The following SETBP1 variants were observed in gnomAD, a reference collection of about 807,000 sequenced individuals.
The protein encoded by SETBP1 is SET-binding protein.
SETBP1 carries 9 observed loss-of-function variants against 101.0 expected under a neutral mutation model. That is an observed-to-expected ratio of 0.09 (90% CI 0.05 to 0.16). SETBP1 has a LOEUF of 0.16. SETBP1 is among the 10% of genes least tolerant of loss of function. The pLI is 1.00. For missense variants in SETBP1, 1,858 were observed against 2,033.8 expected (o/e 0.91, Z 1.66); for synonymous variants, 818 against 788.5 (o/e 1.04, Z -0.63).
chr18:45,010,413 A>C (rs946329735), intron 4 of SETBP1, among the ~76,000 whole-genome samples: 4 of 152,248 alleles, frequency 2.6e-5, no homozygotes, highest in Non-Finnish European at 5.9e-5. Context: ...ATGTGCACCC[A>C]CACACACAAA....
chr18:44,738,842 C>G (rs1347349118), intron 2 of SETBP1, among the ~76,000 whole-genome samples: 4 of 151,556 alleles, frequency 2.6e-5, no homozygotes, highest in African/African-American at 9.7e-5. Context: ...CACACAGAGT[C>G]TCCTTTTATG....
At chr18:45,029,929 C>G (rs1444380883) in intron 4 of SETBP1, among the ~76,000 whole-genome samples, 19 of 151,352 alleles carry the variant, frequency 1.3e-4, no homozygotes, top group African/African-American at 4.1e-4. Context: ...ATGGGGTTTT[C>G]TAGATATACA....
chr18:44,920,068 T>C (rs146383799), intron 3 of SETBP1, among the ~76,000 whole-genome samples: 1 of 152,336 alleles, frequency 6.6e-6, no homozygotes, highest in East Asian at 1.9e-4. Flanking sequence ...CAGAAATTTA[T>C]TTCTCATAGT....
At chr18:44,886,754 T>TTTATTATTATTATTA (rs4024294) in intron 3 of SETBP1, among the ~76,000 whole-genome samples, 2 of 143,102 alleles carry the variant, frequency 1.4e-5, no homozygotes, top group Non-Finnish European at 1.5e-5. Flanking sequence ...GACTGTACAT[T>TTTATTATTATTATTA]TTATTATTAT....
chr18:44,699,220 T>G (rs2069071705), intron 1 of SETBP1, among the ~76,000 whole-genome samples: 1 of 152,232 alleles, frequency 6.6e-6, no homozygotes, highest in African/African-American at 2.4e-5. Context: ...TGGAGATTCC[T>G]GCCAAAGGGA....
chr18:45,016,604 A>G (rs946251346), intron 4 of SETBP1, among the ~76,000 whole-genome samples: 2 of 152,194 alleles, frequency 1.3e-5, no homozygotes, highest in Admixed American at 1.3e-4. Context: ...AAAATGCAAT[A>G]AATATGCTGC....
chr18:44,684,585 G>GTTTT (rs5824553), intron 1 of SETBP1, among the ~76,000 whole-genome samples: 1 of 133,130 alleles, frequency 7.5e-6, no homozygotes, highest in Admixed American at 7.6e-5. Flanking sequence ...TTTTTAGAAG[G>GTTTT]TTTTTTTTTT....
intron 4 of SETBP1, among the ~76,000 whole-genome samples, chr18:44,997,617 A>G (rs962183444): frequency 1.3e-5 from 2 of 152,206 alleles, no homozygotes; most frequent in South Asian, 2.1e-4. Flanking sequence ...AATGGATACC[A>G]TATCTTTAAT....
At chr18:44,901,609 C>T (rs1348523142) in intron 3 of SETBP1, among the ~76,000 whole-genome samples, 1 of 152,156 alleles carries the variant, frequency 6.6e-6, no homozygotes, top group Admixed American at 6.5e-5. Context: ...TAGCATTTAA[C>T]CCACACAGTG....
intron 2 of SETBP1, among the ~76,000 whole-genome samples, chr18:44,763,814 A>G (rs1016078488): frequency 3.9e-5 from 6 of 152,124 alleles, no homozygotes; most frequent in South Asian, 2.1e-4. Context: ...TATTCTCTCC[A>G]TAGCTCACTG....
At chr18:44,797,925 G>A (rs1230550832) in intron 2 of SETBP1, among the ~76,000 whole-genome samples, 1 of 152,190 alleles carries the variant, frequency 6.6e-6, no homozygotes, top group African/African-American at 2.4e-5. Context: ...AACCCAGGTT[G>A]TCATAGAGCT....
At chr18:44,834,454 C>T (rs1250574549) in intron 2 of SETBP1, among the ~76,000 whole-genome samples, 3 of 152,018 alleles carry the variant, frequency 2.0e-5, no homozygotes, top group African/African-American at 4.8e-5. Flanking sequence ...AGCTGTGAGT[C>T]GAAAGGAGGG....
chr18:44,949,280 C>T (rs1241172381), intron 3 of SETBP1, among the ~76,000 whole-genome samples: 1 of 152,198 alleles, frequency 6.6e-6, no homozygotes, highest in Non-Finnish European at 1.5e-5. Flanking sequence ...TTACTGGTTA[C>T]AGTGGTTCCT....
intron 4 of SETBP1, among the ~76,000 whole-genome samples, chr18:45,037,207 A>C (rs758619434): frequency 1.3e-5 from 2 of 152,318 alleles, no homozygotes; most frequent in Non-Finnish European, 2.9e-5. Context: ...GAAGAAACTG[A>C]ATAGGTAACC....
intron 3 of SETBP1, among the ~76,000 whole-genome samples, chr18:44,931,645 T>G (rs2070836920): frequency 6.6e-6 from 1 of 152,230 alleles, no homozygotes; most frequent in Non-Finnish European, 1.5e-5. Flanking sequence ...CATATATATT[T>G]AGGATAGTTA....
intron 3 of SETBP1, among the ~76,000 whole-genome samples, chr18:44,891,483 G>A (rs1347472337): frequency 6.6e-6 from 1 of 152,050 alleles, no homozygotes; most frequent in Non-Finnish European, 1.5e-5. Flanking sequence ...ATTATATTGG[G>A]CCTCATTATA....
At chr18:44,798,682 C>T (rs1360354582) in intron 2 of SETBP1, among the ~76,000 whole-genome samples, 1 of 152,192 alleles carries the variant, frequency 6.6e-6, no homozygotes, top group South Asian at 2.1e-4. Flanking sequence ...CTACTCTTCT[C>T]TGATGCTGTG....
chr18:44,963,685 T>A (rs1378089829), intron 4 of SETBP1, among the ~76,000 whole-genome samples: 1 of 151,678 alleles, frequency 6.6e-6, no homozygotes, highest in Non-Finnish European at 1.5e-5. Context: ...GCCCAGGAGT[T>A]CAAAACCAGC....
At chr18:44,967,741 G>T (rs546133840) in intron 4 of SETBP1, among the ~76,000 whole-genome samples, 1 of 152,176 alleles carries the variant, frequency 6.6e-6, no homozygotes, top group African/African-American at 2.4e-5. Flanking sequence ...TTTCCATGTG[G>T]CCCGTCCAGC....
Sources: allele counts gnomAD v4.1 joint callset (sites outside exome capture counted in the v4.1 genomes callset), GRCh38; gene constraint gnomAD v4.1.1; transcripts MANE v1.5; gene names NCBI Gene and HGNC (gene_info 2026-07-23, HGNC 2026-07-21).